The following SDK2 variants were observed in gnomAD, a reference collection of about 807,000 sequenced individuals.
SDK2 encodes the protein protein sidekick-2.
In SDK2, 105 loss-of-function variants were observed where a neutral mutation model predicts 253.9. The observed-to-expected ratio is 0.41, with a 90% CI of 0.35 to 0.49. SDK2 has a LOEUF of 0.49. Ranked by LOEUF, SDK2 falls within the 20% of genes least tolerant of loss-of-function variation. The probability of loss-of-function intolerance (pLI) is 0.06; values close to 1 mark genes in which losing one functional copy is unlikely to be tolerated. For missense variants in SDK2, 2,608 were observed against 3,003.0 expected (o/e 0.87, Z 3.07); for synonymous variants, 1,249 against 1,234.9 (o/e 1.01, Z -0.24).
chr17:73,583,107 C>T (rs906326832), intron 1 of SDK2, among the ~76,000 whole-genome samples: 2 of 152,180 alleles, frequency 1.3e-5, no homozygotes, highest in Non-Finnish European at 2.9e-5. Flanking sequence ...CCTACTGGAC[C>T]GCTCAACTAG....
At chr17:73,495,523 C>T (rs1219869672) in intron 2 of SDK2, among the ~76,000 whole-genome samples, 2 of 152,212 alleles carry the variant, frequency 1.3e-5, no homozygotes, top group African/African-American at 4.8e-5. Flanking sequence ...TGGTGCCTTC[C>T]TCCCAGGCAG....
In SDK2 at chr17:73,553,107, G is replaced by A. The variant is rs2045088815; in HGVS notation, c.65-45510C>T. Among the ~76,000 whole-genome samples the A allele has an allele frequency of 2.6e-5, 4 of 152,204 alleles. No homozygotes were observed. In the South Asian group the frequency reaches 8.3e-4, roughly 32 times the overall value. Reference sequence around the variant, plus strand: ...AGAGGCTTCTGTGGGGGCTGGGAGGGAAGGGCCAGAGGGAGCTCTTGGCCC... The same window carrying A: ...AGAGGCTTCTGTGGGGGCTGGGAGGAAAGGGCCAGAGGGAGCTCTTGGCCC... On this transcript the variant is annotated intron_variant, in intron 1 of 44. Coordinates refer to ENST00000392650, the MANE Select transcript of SDK2 (RefSeq NM_001144952.2).
intron 2 of SDK2, among the ~76,000 whole-genome samples, chr17:73,485,895 CA>C (rs968804601): frequency 6.6e-5 from 10 of 152,152 alleles, no homozygotes; most frequent in African/African-American, 2.4e-4. Flanking sequence ...ACCCCTGGTG[CA>C]AAATAGGCAG....
chr17:73,539,222 A>C (rs887735591), intron 1 of SDK2, among the ~76,000 whole-genome samples: 6 of 152,182 alleles, frequency 3.9e-5, no homozygotes, highest in Admixed American at 3.3e-4. Flanking sequence ...GTCGCTTGAA[A>C]TGTGTTTGGC....
At chr17:73,380,730 C>T (rs12941386) in intron 34 of SDK2, among the ~76,000 whole-genome samples, 164 bp downstream of exon 34, 62,785 of 152,162 alleles carry the variant, frequency 0.41, 14,390 homozygotes, top group Non-Finnish European at 0.53. Context: ...CCTACTTTTC[C>T]GTGTGTTTAG....
At chr17:73,450,519 C>A (rs1469112730) in intron 4 of SDK2, among the ~76,000 whole-genome samples, 1 of 152,186 alleles carries the variant, frequency 6.6e-6, no homozygotes, top group Non-Finnish European at 1.5e-5. Context: ...ATCATAGAAG[C>A]AGCTTCAAGC....
Position 73,355,174 on chromosome 17 carries a change from A to ATTTTTTTTTTTTTTTTTT in SDK2, c.5594-2555_5594-2538dup, listed in dbSNP as rs770032791. Among the ~76,000 whole-genome samples the ATTTTTTTTTTTTTTTTTT allele has an allele frequency of 6.4e-5, 3 of 47,240 alleles. 1 individual carries two copies. The highest frequency in any genetic ancestry group is 3.3e-4 in the African/African-American group (2 of 6,144). 31.0% of individuals were successfully genotyped at this position (47,240 alleles called of 152,430 possible). ...CCTACACCTCCATATATATATATAT[A>ATTTTTTTTTTTTTTTTTT]TTTTTTTTTTTTTTTTTTTTTAGAC... is the stretch of plus-strand genomic sequence containing the variant. On this transcript the variant is annotated intron_variant, in intron 40 of 44. Coordinates refer to ENST00000392650, the MANE Select transcript of SDK2 (RefSeq NM_001144952.2).
chr17:73,582,558 AAG>A (rs1391226074), intron 1 of SDK2, among the ~76,000 whole-genome samples: 1 of 152,140 alleles, frequency 6.6e-6, no homozygotes, highest in Non-Finnish European at 1.5e-5. Context: ...GCCAGTCAGA[AAG>A]AGAGAGAGTG....
intron 2 of SDK2, among the ~76,000 whole-genome samples, chr17:73,473,945 A>G (rs1030948007): frequency 9.2e-5 from 14 of 152,368 alleles, no homozygotes; most frequent in South Asian, 8.3e-4. Context: ...CATTTAATTT[A>G]AAAAGGACAT....
chr17:73,380,589 C>T (rs913003774), intron 34 of SDK2, among the ~76,000 whole-genome samples: 7 of 152,182 alleles, frequency 4.6e-5, no homozygotes, highest in African/African-American at 1.7e-4. Context: ...TACCCAGCAG[C>T]GTCCAACAGC....
At chr17:73,530,561 C>A (rs112830257) in intron 1 of SDK2, among the ~76,000 whole-genome samples, 177 of 152,258 alleles carry the variant, frequency 1.2e-3, no homozygotes, top group African/African-American at 4.1e-3. Flanking sequence ...CACAGAACAC[C>A]CTATATACAA....
intron 1 of SDK2, among the ~76,000 whole-genome samples, chr17:73,542,387 C>T (rs980127648): frequency 6.6e-6 from 1 of 152,220 alleles, no homozygotes; most frequent in African/African-American, 2.4e-5. Flanking sequence ...GTGCCTGGAG[C>T]GACCCTGGCT....
At position 73,440,756 on chromosome 17, in the gene SDK2, T is replaced by C. The variant is rs1599569058; in HGVS notation, c.725+56A>G. Reference sequence around the variant, plus strand: ...GGCTGCTCTCCCTGGAGCCCGCAGTTTGGGAGCAGCAGCTGGAGTTACGGG... The same window carrying C: ...GGCTGCTCTCCCTGGAGCCCGCAGTCTGGGAGCAGCAGCTGGAGTTACGGG... On this transcript the variant is annotated intron_variant, in intron 6 of 44. Transcript: ENST00000392650. The C allele has an allele frequency of 2.3e-6, 3 of 1,309,538 alleles. No individual in the cohort carries two copies. In the East Asian group the frequency reaches 7.6e-5, roughly 33 times the overall value. The allele number at this position is 1,309,538 out of a possible 1,614,324, so 81.1% of individuals were successfully genotyped here.
chr17:73,594,754 A>G (rs928232678), intron 1 of SDK2, among the ~76,000 whole-genome samples: 3 of 152,132 alleles, frequency 2.0e-5, no homozygotes, highest in African/African-American at 7.2e-5. Flanking sequence ...AAATACACTT[A>G]GCACATATGC....
At position 73,414,683 on chromosome 17, in the gene SDK2, G is replaced by T; in HGVS notation, c.2445C>A (p.Pro815=). Residue 815 remains proline, a synonymous_variant, in exon 18 of 45, where the codon CCC becomes CCA. Transcript: ENST00000392650. Reference sequence around the variant, plus strand: ...TGATGCCGTTGATGAACTGGGGGCTGGGGGCGTTCCAGGTGAAGCGGATGG... The same window carrying T: ...TGATGCCGTTGATGAACTGGGGGCTTGGGGCGTTCCAGGTGAAGCGGATGG... ...STTIRFTWNA[P]SPQFINGINQ... The T allele has an allele frequency of 6.2e-7, 1 of 1,613,880 alleles. No homozygotes were observed. Among genetic ancestry groups the T allele is most frequent in the African/African-American group, 1.3e-5 (1 of 75,022 alleles).
chr17:73,507,806 G>T (rs548184100), intron 1 of SDK2, among the ~76,000 whole-genome samples: 1 of 152,294 alleles, frequency 6.6e-6, no homozygotes, highest in Admixed American at 6.5e-5. Context: ...GCCAACCAGA[G>T]CCCTGCCTCC....
chr17:73,584,537 G>A (rs564582133), intron 1 of SDK2, among the ~76,000 whole-genome samples: 2 of 152,338 alleles, frequency 1.3e-5, no homozygotes, highest in African/African-American at 4.8e-5. Flanking sequence ...CCGACTGTAG[G>A]AGGCTTTGGA....
chr17:73,509,150 G>T (rs981858777), intron 1 of SDK2, among the ~76,000 whole-genome samples: 2 of 152,198 alleles, frequency 1.3e-5, no homozygotes, highest in African/African-American at 4.8e-5. Flanking sequence ...ACTTGTCTAC[G>T]TTCACTCCAC....
chr17:73,424,184 A>C, intron 12 of SDK2, 92 bp from the exon 13 acceptor site: 1 of 1,117,068 alleles, frequency 9.0e-7, no homozygotes, highest in Non-Finnish European at 1.3e-6. Flanking sequence ...AAATAGCTCC[A>C]AAGCTGGGCA....
Sources: gnomAD v4.1 joint callset for allele counts (sites outside exome capture counted in the v4.1 genomes callset) on GRCh38, gnomAD v4.1.1 for gene constraint, MANE v1.5 for transcripts, NCBI Gene and HGNC (gene_info 2026-07-23, HGNC 2026-07-21) for gene names.